The following COL5A2 variants were observed in gnomAD, a reference collection of about 807,000 sequenced individuals.
COL5A2 encodes the protein collagen type V alpha 2 chain.
Under a neutral mutation model 208.2 loss-of-function variants are expected in COL5A2, and 23 were observed. The observed-to-expected ratio is 0.11, with a 90% CI of 0.08 to 0.16. The LOEUF (loss-of-function observed/expected upper bound fraction) is 0.16, where lower values mean the gene tolerates loss of function less well. Among genes scored for constraint, COL5A2 ranks in the 10% least tolerant of loss-of-function variants. The pLI, the probability that COL5A2 is intolerant of heterozygous loss-of-function variation, is 1.00. For synonymous variants in COL5A2, 625 were observed against 628.5 expected, an observed-to-expected ratio of 0.99 and a Z score of 0.08; for missense variants, 1,590 against 1,956.4, an observed-to-expected ratio of 0.81 and a Z score of 3.53.
chr2:189,151,115 T>C (rs1688133227), intron 1 of COL5A2, among the ~76,000 whole-genome samples: 1 of 152,106 alleles, frequency 6.6e-6, no homozygotes, highest in African/African-American at 2.4e-5. Flanking sequence ...TAATAAGAAA[T>C]AAATGTAACC....
the COL5A2 span, among the ~76,000 whole-genome samples, chr2:189,405,509 TGTGAGCCACC>T: frequency 6.6e-6 from 1 of 152,146 alleles, no homozygotes; most frequent in African/African-American, 2.4e-5. Flanking sequence ...GGATTATAGG[TGTGAGCCACC>T]GTGCCTGGCC....
chr2:189,333,428 A>G, the COL5A2 span, among the ~76,000 whole-genome samples: 1 of 152,192 alleles, frequency 6.6e-6, no homozygotes, highest in Non-Finnish European at 1.5e-5. Flanking sequence ...TTTTATTCCA[A>G]TGAATTTGAC....
At chr2:189,289,599 T>G in the COL5A2 span, among the ~76,000 whole-genome samples, 23 of 152,336 alleles carry the variant, frequency 1.5e-4, no homozygotes, top group East Asian at 4.2e-3. Context: ...AAATCATTCC[T>G]GTTTGCAGAA....
intron 1 of COL5A2, among the ~76,000 whole-genome samples, chr2:189,168,209 G>A (rs1386210037): frequency 6.7e-6 from 1 of 149,448 alleles, no homozygotes; most frequent in Non-Finnish European, 1.5e-5. Context: ...AAAGTGCTGG[G>A]ATTATAGGCG....
At chr2:189,085,387 T>C (rs112029729) in intron 10 of COL5A2, among the ~76,000 whole-genome samples, 174 bp from the exon 11 acceptor site, 1 of 152,210 alleles carries the variant, frequency 6.6e-6, no homozygotes, top group African/African-American at 2.4e-5. Flanking sequence ...GAATTTTATG[T>C]TGCATCCCCA....
chr2:189,391,393 T>C, the COL5A2 span, among the ~76,000 whole-genome samples: 1 of 152,146 alleles, frequency 6.6e-6, no homozygotes, highest in Non-Finnish European at 1.5e-5. Flanking sequence ...TCTCCTCCGA[T>C]GATGACAAAC....
At chr2:189,210,078 C>A (rs1689192770) in intron 1 of COL5A2, among the ~76,000 whole-genome samples, 1 of 152,020 alleles carries the variant, frequency 6.6e-6, no homozygotes, top group African/African-American at 2.4e-5. Context: ...TAAAGAATAG[C>A]AAACAGTCTT....
intron 53 of COL5A2, 84 bp downstream of exon 53, chr2:189,034,832 C>T (rs1685410378): frequency 1.9e-6 from 3 of 1,549,368 alleles, no homozygotes; most frequent in South Asian, 1.1e-5. Flanking sequence ...TAAAATTGCC[C>T]CCAGTTCTAG....
the COL5A2 span, among the ~76,000 whole-genome samples, chr2:189,409,463 T>C: frequency 6.6e-6 from 1 of 152,078 alleles, no homozygotes. Flanking sequence ...TATAGTATTC[T>C]GTAAGGAATT....
chr2:189,246,408 T>C, the COL5A2 span, among the ~76,000 whole-genome samples: 1 of 145,132 alleles, frequency 6.9e-6, no homozygotes, highest in Non-Finnish European at 1.6e-5. Flanking sequence ...AATGCCAATA[T>C]TGAAAGACAT....
chr2:189,086,060 TCTC>T (rs1182016198), intron 9 of COL5A2, among the ~76,000 whole-genome samples: 2 of 152,176 alleles, frequency 1.3e-5, no homozygotes, highest in Admixed American at 6.5e-5. Flanking sequence ...CAATGGTAGT[TCTC>T]CTCATCAACA....
rs192056764 is a variant in COL5A2, at chr2:189,075,833, T to C, written c.1060-396A>G. The stretch of plus-strand genomic sequence containing the variant: ...TACACAAGAGAGATAAATTAAGTTA[T>C]AGTGAATTCTGTAGGTTTCACCCAG... On this transcript the variant is annotated intron_variant, in intron 16 of 53. Coordinates refer to ENST00000374866, the MANE Select transcript of COL5A2 (RefSeq NM_000393.5). Among the ~76,000 whole-genome samples the C allele has an allele frequency of 4.6e-5, 7 of 152,298 alleles. No individual in the cohort carries two copies. In the East Asian group the frequency reaches 1.4e-3, roughly 29 times the overall value.
At chr2:189,253,061 T>C in the COL5A2 span, among the ~76,000 whole-genome samples, 1 of 152,174 alleles carries the variant, frequency 6.6e-6, no homozygotes, top group Non-Finnish European at 1.5e-5. Flanking sequence ...GGGACAGTTG[T>C]AGGATGAATT....
chr2:189,127,545 C>T (rs7578627), intron 1 of COL5A2, among the ~76,000 whole-genome samples: 150,616 of 152,168 alleles, frequency 0.99, 74,559 homozygotes, highest in Middle Eastern at 1. Context: ...ACACTGAAAA[C>T]TACTTGCTAT....
chr2:189,115,823 T>C (rs901303705), intron 1 of COL5A2, among the ~76,000 whole-genome samples: 3 of 152,228 alleles, frequency 2.0e-5, no homozygotes, highest in South Asian at 2.1e-4. Context: ...AGTTCATTGA[T>C]ATGCCTATTA....
At chr2:189,168,725 A>T (rs928392215) in intron 1 of COL5A2, among the ~76,000 whole-genome samples, 9 of 152,334 alleles carry the variant, frequency 5.9e-5, no homozygotes, top group African/African-American at 1.4e-4. Flanking sequence ...TAATAAAAAA[A>T]ATTTAAAGTT....
chr2:189,234,976 A>G, the COL5A2 span, among the ~76,000 whole-genome samples: 1 of 151,772 alleles, frequency 6.6e-6, no homozygotes, highest in Non-Finnish European at 1.5e-5. Context: ...GTTCAATAAT[A>G]TACATCATTT....
the COL5A2 span, among the ~76,000 whole-genome samples, chr2:189,252,475 G>T: frequency 9.2e-5 from 14 of 152,232 alleles, no homozygotes; most frequent in Non-Finnish European, 1.9e-4. Flanking sequence ...CATGGATGAA[G>T]CTGGAAACAA....
intron 14 of COL5A2, 95 bp from the exon 15 acceptor site, chr2:189,079,202 G>A (rs1484055691): frequency 2.1e-6 from 2 of 963,468 alleles, no homozygotes; most frequent in Non-Finnish European, 3.3e-6. Context: ...TATTTTCAAA[G>A]AGGACATATG....
Sources: gnomAD v4.1 joint callset for allele counts (sites outside exome capture counted in the v4.1 genomes callset) on GRCh38, gnomAD v4.1.1 for gene constraint, MANE v1.5 for transcripts, NCBI Gene and HGNC (gene_info 2026-07-23, HGNC 2026-07-21) for gene names.